Variants in NFS1 observed in about 807,000 individuals in gnomAD.
The protein encoded by NFS1 is NFS1 cysteine desulfurase, also known as cysteine desulfurase.
A neutral mutation model predicts 57.3 loss-of-function variants in NFS1; 26 were observed. The observed-to-expected ratio is 0.45, with a 90% CI of 0.33 to 0.63. The LOEUF is 0.63. Ranked by LOEUF, NFS1 falls within the 20% of genes least tolerant of loss-of-function variation. NFS1 has a pLI of 0.02. For synonymous variants in NFS1, 209 were observed against 216.3 expected, an observed-to-expected ratio of 0.97 and a Z score of 0.30; for missense variants, 505 against 605.8, an observed-to-expected ratio of 0.83 and a Z score of 1.75.
intron 5 of NFS1, among the ~76,000 whole-genome samples, chr20:35,689,551 G>A (rs2035005290): frequency 1.3e-5 from 2 of 151,954 alleles, no homozygotes; most frequent in South Asian, 2.1e-4. Context: ...GGTGGATCAC[G>A]AGGTCAGGAG....
rs1424833062 is a variant in NFS1 at position 35,696,320 on chromosome 20, G to A, written c.408+57C>T. On this transcript the variant is annotated intron_variant, in intron 4 of 12. Coordinates refer to ENST00000374092, the MANE Select transcript of NFS1 (RefSeq NM_021100.5). ...CATATACGAGTCCAAATGATGGAGGGACACTATCTCCTAGGTCAGGAAAGC... is the reference window on the plus strand; with the variant it reads ...CATATACGAGTCCAAATGATGGAGGAACACTATCTCCTAGGTCAGGAAAGC... 19 of 1,147,282 alleles carry A rather than the reference G, an allele frequency of 1.7e-5. No homozygotes were observed. The Admixed American group carries it at 3.2e-4, about 19-fold the overall frequency. The allele number at this position is 1,147,282 out of a possible 1,614,324, so 71.1% of individuals were successfully genotyped here.
At chr20:35,690,053 C>T (rs559819724) in intron 5 of NFS1, among the ~76,000 whole-genome samples, 3 of 151,914 alleles carry the variant, frequency 2.0e-5, no homozygotes, top group Non-Finnish European at 2.9e-5. Flanking sequence ...GAGCCGAGAT[C>T]GCGCCACTGC....
At chr20:35,698,627 G>C in intron 1 of NFS1, 37 bp from the exon 2 acceptor site, 1 of 1,554,004 alleles carries the variant, frequency 6.4e-7, no homozygotes, top group East Asian at 2.3e-5. Context: ...AAGTAAGACC[G>C]AAGGCAACTA....
chr20:35,686,444 T>C (rs898705798), intron 5 of NFS1, among the ~76,000 whole-genome samples: 1 of 151,614 alleles, frequency 6.6e-6, no homozygotes, highest in African/African-American at 2.4e-5. Context: ...ATGACAGTGA[T>C]GATTGTTGGA....
chr20:35,674,442 G>T lies in NFS1; in HGVS notation c.1055-11C>A. On this transcript the variant is annotated splice_polypyrimidine_tract_variant and intron_variant, in intron 9 of 12. Transcript: ENST00000374092. ...AGAGGTTGATACAGCCTGGAGGAAAGAAATACTGTGAGAGAGGTCTCAGAG... is the reference window on the plus strand; with the variant it reads ...AGAGGTTGATACAGCCTGGAGGAAATAAATACTGTGAGAGAGGTCTCAGAG... 6.2e-7 allele frequency: 1 copy of T among 1,613,712 alleles called. No homozygotes were observed. The highest frequency in any genetic ancestry group is 8.5e-7 in the Non-Finnish European group (1 of 1,179,588).
intron 7 of NFS1, among the ~76,000 whole-genome samples, chr20:35,680,187 C>T (rs1245396682): frequency 3.3e-5 from 5 of 152,174 alleles, no homozygotes; most frequent in African/African-American, 7.2e-5. Context: ...CGCCTGTAGT[C>T]CCAGCTACTC....
intron 7 of NFS1, among the ~76,000 whole-genome samples, chr20:35,677,032 A>C (rs958592133): frequency 6.6e-6 from 1 of 152,036 alleles, no homozygotes; most frequent in African/African-American, 2.4e-5. Flanking sequence ...ACGCATGGCT[A>C]ATTTTTGTAT....
At chr20:35,686,550 A>G (rs1176945215) in intron 5 of NFS1, among the ~76,000 whole-genome samples, 1 of 152,162 alleles carries the variant, frequency 6.6e-6, no homozygotes, top group Non-Finnish European at 1.5e-5. Context: ...GTGCTTAAAA[A>G]GGCACCATGT....
chr20:35,675,275 G>C, intron 7 of NFS1, 73 bp from the exon 8 acceptor site: 1 of 1,422,244 alleles, frequency 7.0e-7, no homozygotes, highest in Non-Finnish European at 9.4e-7. Context: ...CTTTCCAAAG[G>C]GATCAAAATA....
chr20:35,683,787 T>C (rs1482212932), intron 5 of NFS1, among the ~76,000 whole-genome samples: 1 of 94,240 alleles, frequency 1.1e-5, no homozygotes, highest in African/African-American at 4.7e-5. Flanking sequence ...TGAGACTCCA[T>C]CTCAAAAAAA....
At chr20:35,679,602 G>T (rs60204696) in intron 7 of NFS1, among the ~76,000 whole-genome samples, 6,393 of 152,206 alleles carry the variant, frequency 0.042, 214 homozygotes, top group South Asian at 0.18. Context: ...GCCAATAAAA[G>T]CAACATTTTA....
intron 5 of NFS1, among the ~76,000 whole-genome samples, chr20:35,684,006 G>A (rs1271030350): frequency 3.3e-5 from 5 of 151,930 alleles, no homozygotes; most frequent in South Asian, 2.1e-4. Context: ...CCAGCTACTC[G>A]GGAGGCTGAG....
Position 35,674,356 on chromosome 20 carries a change from G to A in NFS1, c.1130C>T (p.Ser377Leu), listed in dbSNP as rs1358289397. 6.2e-7 allele frequency: 1 copy of A among 1,613,912 alleles called. No homozygotes were observed. Among genetic ancestry groups the A allele is most frequent in the Non-Finnish European group, 8.5e-7 (1 of 1,179,914 alleles). Residue 377 changes from serine (S) to leucine (L), a missense_variant, in exon 10 of 13, where the codon TCA (serine) becomes TTA (leucine). Coordinates refer to ENST00000374092, the MANE Select transcript of NFS1 (RefSeq NM_021100.5). The stretch of plus-strand genomic sequence containing the variant: ...TCTATGCCGTCCAGCTCACCTCCCT[G>A]AGGATAAGGCAACGTCCTTCAGTGC... ...LMALKDVALS[S>L]GSACTSASLE...
intron 12 of NFS1, among the ~76,000 whole-genome samples, chr20:35,672,195 T>A (rs533874964): frequency 6.6e-6 from 1 of 151,982 alleles, no homozygotes; most frequent in African/African-American, 2.4e-5. Flanking sequence ...CCTGACCTTG[T>A]GATCCACCCA....
chr20:35,682,465 T>C (rs752368895), intron 5 of NFS1, among the ~76,000 whole-genome samples: 1 of 152,164 alleles, frequency 6.6e-6, no homozygotes, highest in Non-Finnish European at 1.5e-5. Flanking sequence ...CAGCAGTGAA[T>C]GAATTCCCAA....
At chr20:35,671,945 T>C (rs1023442832) in intron 12 of NFS1, among the ~76,000 whole-genome samples, 2 of 150,352 alleles carry the variant, frequency 1.3e-5, no homozygotes, top group Non-Finnish European at 3.0e-5. Context: ...AGTTCTTTAG[T>C]TTGTTGTTTT....
rs774672929 is a variant in NFS1, at chr20:35,698,577, A to T, written c.111T>A (p.Ala37=). The change falls in exon 2 of 13, where the codon GCT becomes GCA. Residue 37 remains alanine, a synonymous_variant. Transcript: ENST00000374092. The part of the protein sequence containing the change: ...RGLRLRVGDR[A]PQSAVPADTA... ...TATCTGCGGGAACCGCAGACTGAGGAGCACGGTCTCCAACTGATAAAAAAT... is the reference window on the plus strand; with the variant it reads ...TATCTGCGGGAACCGCAGACTGAGGTGCACGGTCTCCAACTGATAAAAAAT... 2.7e-5 allele frequency: 44 copies of T among 1,611,880 alleles called. No individual in the cohort carries two copies. Among genetic ancestry groups the T allele is most frequent in the Non-Finnish European group, 3.7e-5 (44 of 1,179,396 alleles).
intron 5 of NFS1, among the ~76,000 whole-genome samples, chr20:35,687,250 A>AG (rs2034961457): frequency 1.3e-5 from 2 of 152,148 alleles, no homozygotes; most frequent in African/African-American, 2.4e-5. Flanking sequence ...TGGAGGCCTA[A>AG]CCGTCTCCCT....
chr20:35,692,384 A>T (rs753603348), intron 4 of NFS1: 2 of 197,618 alleles, frequency 1.0e-5, no homozygotes, highest in Non-Finnish European at 2.1e-5. Flanking sequence ...AAAATAAATA[A>T]ATAAATTAAT....
Sources: allele counts gnomAD v4.1 joint callset (sites outside exome capture counted in the v4.1 genomes callset), GRCh38; gene constraint gnomAD v4.1.1; transcripts MANE v1.5; gene names NCBI Gene and HGNC (gene_info 2026-07-23, HGNC 2026-07-21).